LAMTOR2: variants seen among roughly 807,000 people sequenced by gnomAD.
The protein encoded by LAMTOR2 is late endosomal/lysosomal adaptor, MAPK and MTOR activator 2.
LAMTOR2 carries 4 observed loss-of-function variants against 15.8 expected under a neutral mutation model. The ratio of observed to expected loss-of-function variants is 0.25; its 90% confidence interval spans 0.12 to 0.58. The LOEUF (loss-of-function observed/expected upper bound fraction) is 0.58. Ranked by LOEUF, LAMTOR2 falls within the 20% of genes least tolerant of loss-of-function variation. The probability of loss-of-function intolerance (pLI) is 0.91; values close to 1 mark genes in which losing one functional copy is unlikely to be tolerated. For missense variants in LAMTOR2, 100 were observed against 161.0 expected (o/e 0.62, Z 2.05); for synonymous variants, 62 against 64.1 (o/e 0.97, Z 0.15).
chr1:156,055,103 T>C lies in LAMTOR2; in HGVS notation c.68+146T>C. 1 of 1,362,006 alleles carries C rather than the reference T, an allele frequency of 7.3e-7. No individual in the cohort carries two copies. The highest frequency in any genetic ancestry group is 1.2e-5 in the South Asian group (1 of 84,946). 84.4% of individuals were successfully genotyped at this position (1,362,006 alleles called of 1,614,324 possible). ...GGGATACCGGCCGGGAGGTCCCCTG[T>C]CGAAAAGGGAAGCCGGTGTGCTGGG... On this transcript the variant is annotated intron_variant, in intron 1 of 3. Coordinates refer to ENST00000368305, the MANE Select transcript of LAMTOR2 (RefSeq NM_014017.4). The surrounding 1 kb of genome is among the most constrained non-coding windows in gnomAD (Gnocchi z 4.8).
At chr1:156,057,604 C>A (rs1191278992) in intron 2 of LAMTOR2, among the ~76,000 whole-genome samples, 4 of 152,164 alleles carry the variant, frequency 2.6e-5, no homozygotes, top group African/African-American at 9.7e-5. Flanking sequence ...TCCCATGCCC[C>A]TCTCAGTGTC....
intron 3 of LAMTOR2, 56 bp from the exon 4 acceptor site, chr1:156,058,259 T>A: frequency 6.2e-7 from 1 of 1,610,784 alleles, no homozygotes; most frequent in Non-Finnish European, 8.5e-7. Context: ...AGACCTGGAT[T>A]TGGGGTCCCT....
In LAMTOR2 at chr1:156,055,263, G is replaced by C; in HGVS notation, c.69G>C (p.Leu23=). ...QANTGGVQST[L]LLNNEGSLLA... is the part of the protein sequence containing the mutation. The stretch of plus-strand genomic sequence containing the variant: ...GCTATCCCTCCCCGCCCCTCACCAG[G>C]CTGCTGAATAACGAGGGATCACTGC... Residue 23 remains leucine (L), a splice_region_variant and synonymous_variant, in exon 2 of 4, where the codon CTG becomes CTC. Coordinates refer to ENST00000368305, the MANE Select transcript of LAMTOR2 (RefSeq NM_014017.4). The surrounding 1 kb of genome is among the most constrained non-coding windows in gnomAD (Gnocchi z 4.8). The C allele has an allele frequency of 6.2e-7, 1 of 1,613,944 alleles. No individual in the cohort carries two copies.
rs1423485363 is a variant in LAMTOR2, at chr1:156,055,346, A to G, written c.152A>G (p.Asn51Ser). Reference protein sequence around the residue: ...DARVTAAIASNIWAAYDRNGN... With the variant: ...DARVTAAIASSIWAAYDRNGN... Reference sequence around the variant, plus strand: ...CGGGTCACCGCTGCCATAGCCAGTAACATCTGGGCCGCCTACGACCGGAAC... The same window carrying G: ...CGGGTCACCGCTGCCATAGCCAGTAGCATCTGGGCCGCCTACGACCGGAAC... The change falls in exon 2 of 4, where the codon AAC becomes AGC. Residue 51 changes from asparagine (N) to serine (S), a missense_variant. Asn to Ser is a conservative substitution (Grantham distance 46). Transcript: ENST00000368305. The surrounding 1 kb of genome is among the most constrained non-coding windows in gnomAD (Gnocchi z 4.8). 1 of 1,614,242 alleles carries G rather than the reference A, an allele frequency of 6.2e-7. No homozygotes were observed. The highest frequency in any genetic ancestry group is 8.5e-7 in the Non-Finnish European group (1 of 1,180,044).
chr1:156,055,751 C>G lies in LAMTOR2; in HGVS notation c.231+326C>G. 1 of 389,154 alleles carries G rather than the reference C, an allele frequency of 2.6e-6. No individual in the cohort carries two copies. The highest frequency in any genetic ancestry group is 2.4e-5 in the South Asian group (1 of 41,812). The allele number at this position is 389,154 out of a possible 1,614,324, so 24.1% of individuals were successfully genotyped here. A position where few individuals can be genotyped will look rare whatever the true frequency, so the allele number is the denominator to read the frequency against. On this transcript the variant is annotated intron_variant, in intron 2 of 3. Transcript: ENST00000368305. The surrounding 1 kb of genome is among the most constrained non-coding windows in gnomAD (Gnocchi z 4.8). ...ACAATAATTTCCCTCTCCCCGCTCC[C>G]CTCATGGGTTGTTGTGAAGGTCAGA...
rs886678760 is a variant in LAMTOR2, at chr1:156,055,162, A to G, written c.69-101A>G. 2.0e-5 allele frequency: 30 copies of G among 1,533,918 alleles called. No homozygotes were observed. The highest frequency in any genetic ancestry group is 3.4e-5 in the South Asian group (3 of 89,092). On this transcript the variant is annotated intron_variant, in intron 1 of 3. Coordinates refer to ENST00000368305, the MANE Select transcript of LAMTOR2 (RefSeq NM_014017.4). This position sits in a 1 kb window ranked among gnomAD's most constrained non-coding sequence, Gnocchi z 4.8. ...GCATGTTCCGGGACACGCTCAGGCC[A>G]GAGCCTTGCTGGATGTGCCCTTGGT...
At position 156,057,887 on chromosome 1, in the gene LAMTOR2, T is replaced by C. The variant is rs1314818300; in HGVS notation, c.232-91T>C. 4 of 1,210,566 alleles carry C rather than the reference T, an allele frequency of 3.3e-6. No homozygotes were observed. The African/African-American group carries it at 4.5e-5, about 14-fold the overall frequency. The allele number at this position is 1,210,566 out of a possible 1,614,324, so 75.0% of individuals were successfully genotyped here. A position where few individuals can be genotyped will look rare whatever the true frequency, so the allele number is the denominator to read the frequency against. On this transcript the variant is annotated intron_variant, in intron 2 of 3. Coordinates refer to ENST00000368305, the MANE Select transcript of LAMTOR2 (RefSeq NM_014017.4). ...GTGCCCAGGGCATGGGAGGAAGATA[T>C]AGTCTCTCTGGGGCCAGAGAAGCCT...
At position 156,055,438 on chromosome 1, in the gene LAMTOR2, G is replaced by A. The variant is rs1473416700; in HGVS notation, c.231+13G>A. ...CATGGACTGCATGGTATGGAGAGGG[G>A]AGCCAGACTTCCCCTGTCCCCCAAA... is the stretch of plus-strand genomic sequence containing the variant. On this transcript the variant is annotated intron_variant, in intron 2 of 3. Transcript: ENST00000368305. The surrounding 1 kb of genome is among the most constrained non-coding windows in gnomAD (Gnocchi z 4.8). The A allele has an allele frequency of 1.2e-6, 2 of 1,614,036 alleles. No individual in the cohort carries two copies. Among genetic ancestry groups the A allele is most frequent in the Non-Finnish European group, 1.7e-6 (2 of 1,180,036 alleles).
In LAMTOR2 at chr1:156,055,731, A is replaced by ATT. The variant is rs1222915884; in HGVS notation, c.231+306_231+307insTT. On this transcript the variant is annotated intron_variant, in intron 2 of 3. Transcript: ENST00000368305. This position sits in a 1 kb window ranked among gnomAD's most constrained non-coding sequence, Gnocchi z 4.8. ...ACCTCATGTTTAAGGAGAAGACAATAATTTCCCTCTCCCCGCTCCCCTCAT... is the reference window on the plus strand; with the variant it reads ...ACCTCATGTTTAAGGAGAAGACAATATTATTTCCCTCTCCCCGCTCCCCTCAT... The ATT allele has an allele frequency of 9.5e-6, 4 of 420,028 alleles. No homozygotes were observed. In the East Asian group the frequency reaches 1.5e-4, roughly 16 times the overall value. 26.0% of individuals were successfully genotyped at this position (420,028 alleles called of 1,614,324 possible).
In LAMTOR2 at chr1:156,055,480, C is replaced by A; in HGVS notation, c.231+55C>A. ...TCCCCCAAAGGGGATCCCAAGGGGGCGACCTGGACCCCATCCTGGATGGTT... is the reference window on the plus strand; with the variant it reads ...TCCCCCAAAGGGGATCCCAAGGGGGAGACCTGGACCCCATCCTGGATGGTT... On this transcript the variant is annotated intron_variant, in intron 2 of 3. Transcript: ENST00000368305. The surrounding 1 kb of genome is among the most constrained non-coding windows in gnomAD (Gnocchi z 4.8). The A allele has an allele frequency of 1.3e-6, 2 of 1,596,076 alleles. No individual in the cohort carries two copies. Among genetic ancestry groups the A allele is most frequent in the African/African-American group, 1.3e-5 (1 of 74,744 alleles).
chr1:156,055,854 C>A lies in LAMTOR2; in HGVS notation c.231+429C>A. 4.0e-6 allele frequency: 1 copy of A among 247,452 alleles called. No individual in the cohort carries two copies. 15.3% of individuals were successfully genotyped at this position (247,452 alleles called of 1,614,324 possible). A position where few individuals can be genotyped will look rare whatever the true frequency, so the allele number is the denominator to read the frequency against. ...TCCCAGTTTCACCGACTCACAGAAC[C>A]ATGGCAGTCTCCAGACCCTAGTCCA... On this transcript the variant is annotated intron_variant, in intron 2 of 3. Coordinates refer to ENST00000368305, the MANE Select transcript of LAMTOR2 (RefSeq NM_014017.4). This position sits in a 1 kb window ranked among gnomAD's most constrained non-coding sequence, Gnocchi z 4.8.
intron 3 of LAMTOR2, 34 bp downstream of exon 3, chr1:156,058,101 C>T (rs1187429329): frequency 2.5e-6 from 4 of 1,602,472 alleles, no homozygotes; most frequent in Admixed American, 1.7e-5. Flanking sequence ...TAGCCCTGGG[C>T]CCAGCCTTCG....
chr1:156,054,843 C>T lies in LAMTOR2; in HGVS notation c.-47C>T. 1 of 1,591,866 alleles carries T rather than the reference C, an allele frequency of 6.3e-7. No homozygotes were observed. Among genetic ancestry groups the T allele is most frequent in the East Asian group, 2.3e-5 (1 of 44,366 alleles). On this transcript the variant is annotated 5_prime_UTR_variant, in exon 1 of 4. Coordinates refer to ENST00000368305, the MANE Select transcript of LAMTOR2 (RefSeq NM_014017.4). ...GCAGCGGGCAGCGGCCCGCGGGAGGCACCTCGGAGATCTGGGTGCAAAAGC... is the reference window on the plus strand; with the variant it reads ...GCAGCGGGCAGCGGCCCGCGGGAGGTACCTCGGAGATCTGGGTGCAAAAGC...
chr1:156,055,138 C>A lies in LAMTOR2; in HGVS notation c.69-125C>A. The A allele has an allele frequency of 7.0e-7, 1 of 1,435,234 alleles. No homozygotes were observed. The highest frequency in any genetic ancestry group is 9.7e-7 in the Non-Finnish European group (1 of 1,027,840). 88.9% of individuals were successfully genotyped at this position (1,435,234 alleles called of 1,614,324 possible). ...AAGCCGGTGTGCTGGGTGCTTAGGG[C>A]ATGTTCCGGGACACGCTCAGGCCAG... is the stretch of plus-strand genomic sequence containing the variant. On this transcript the variant is annotated intron_variant, in intron 1 of 3. Coordinates refer to ENST00000368305, the MANE Select transcript of LAMTOR2 (RefSeq NM_014017.4). The surrounding 1 kb of genome is among the most constrained non-coding windows in gnomAD (Gnocchi z 4.8).
chr1:156,057,193 A>G (rs888316417), intron 2 of LAMTOR2, among the ~76,000 whole-genome samples: 4 of 151,530 alleles, frequency 2.6e-5, no homozygotes, highest in East Asian at 1.9e-4. Context: ...AAAAAAAAAA[A>G]AAAGAAATAC....
Position 156,055,312 on chromosome 1 carries a change from A to G in LAMTOR2, c.118A>G (p.Thr40Ala), listed in dbSNP as rs746371582. 1.4e-5 allele frequency: 23 copies of G among 1,614,048 alleles called. No individual in the cohort carries two copies. In the South Asian group the frequency reaches 2.5e-4, roughly 18 times the overall value. The change falls in exon 2 of 4, where the codon ACT (threonine) becomes GCT (alanine). Residue 40 changes from threonine (T) to alanine (A), a missense_variant. By Grantham distance (58) the Thr-to-Ala change is moderately conservative (BLOSUM62 0). Transcript: ENST00000368305. This position sits in a 1 kb window ranked among gnomAD's most constrained non-coding sequence, Gnocchi z 4.8. ...GCTGGCCTACTCTGGTTACGGGGAC[A>G]CTGACGCCCGGGTCACCGCTGCCAT... is the stretch of plus-strand genomic sequence containing the variant. ...SLLAYSGYGD[T>A]DARVTAAIAS...
At position 156,055,126 on chromosome 1, in the gene LAMTOR2, G is replaced by C; in HGVS notation, c.69-137G>C. The C allele has an allele frequency of 7.2e-7, 1 of 1,389,570 alleles. No individual in the cohort carries two copies. Among genetic ancestry groups the C allele is most frequent in the East Asian group, 2.3e-5 (1 of 43,616 alleles). The allele number at this position is 1,389,570 out of a possible 1,614,324, so 86.1% of individuals were successfully genotyped here. On this transcript the variant is annotated intron_variant, in intron 1 of 3. Transcript: ENST00000368305. The surrounding 1 kb of genome is among the most constrained non-coding windows in gnomAD (Gnocchi z 4.8). ...TGTCGAAAAGGGAAGCCGGTGTGCT[G>C]GGTGCTTAGGGCATGTTCCGGGACA...
chr1:156,055,445 A>G lies in LAMTOR2; in HGVS notation c.231+20A>G. The G allele has an allele frequency of 3.1e-6, 5 of 1,614,030 alleles. No individual in the cohort carries two copies. The highest frequency in any genetic ancestry group is 3.4e-6 in the Non-Finnish European group (4 of 1,179,958). The stretch of plus-strand genomic sequence containing the variant: ...TGCATGGTATGGAGAGGGGAGCCAG[A>G]CTTCCCCTGTCCCCCAAAGGGGATC... On this transcript the variant is annotated intron_variant, in intron 2 of 3. Transcript: ENST00000368305. This position sits in a 1 kb window ranked among gnomAD's most constrained non-coding sequence, Gnocchi z 4.8.
At chr1:156,058,177 A>C in intron 3 of LAMTOR2, 110 bp downstream of exon 3, 1 of 1,500,566 alleles carries the variant, frequency 6.7e-7, no homozygotes, top group Non-Finnish European at 9.3e-7. Flanking sequence ...TACTCAGTCC[A>C]TTTCTGGTGT....
Sources: allele counts gnomAD v4.1 joint callset (sites outside exome capture counted in the v4.1 genomes callset), GRCh38; gene constraint gnomAD v4.1.1; non-coding constraint Gnocchi (gnomAD v3.1); transcripts MANE v1.5; gene names NCBI Gene and HGNC (gene_info 2026-07-23, HGNC 2026-07-21).